Variants in IRGM observed in about 807,000 individuals in gnomAD.
The protein encoded by IRGM is immunity-related GTPase family M protein.
For synonymous variants in IRGM, 98 were observed against 80.6 expected, an observed-to-expected ratio of 1.22 and a Z score of -1.16; for missense variants, 288 against 219.9, an observed-to-expected ratio of 1.31 and a Z score of -1.96.
At chr5:150,864,777 T>G (rs191247030) in intron 1 of IRGM, among the ~76,000 whole-genome samples, 1 of 152,256 alleles carries the variant, frequency 6.6e-6, no homozygotes, top group Non-Finnish European at 1.5e-5. Flanking sequence ...AAGCCACTAT[T>G]GTAAATGCAA....
intron 3 of IRGM, among the ~76,000 whole-genome samples, chr5:150,889,475 G>T (rs1182097616): frequency 6.6e-6 from 1 of 152,006 alleles, no homozygotes; most frequent in East Asian, 1.9e-4. Flanking sequence ...GGAATTGTGG[G>T]AGCTACAATT....
chr5:150,846,828 A>G lies in IRGM; in HGVS notation c.-808A>G, dbSNP rs1221987493. ...AACTCTGAACACATCCAAACATCAG[A>G]AGGAACAAACTCCGGACACGCAGCC... On this transcript the variant is annotated 5_prime_UTR_variant, in exon 1 of 2. Coordinates refer to ENST00000522154, the MANE Select transcript of IRGM (RefSeq NM_001145805.2). The G allele has an allele frequency of 6.5e-6, 1 of 153,520 alleles. No homozygotes were observed. Among genetic ancestry groups the G allele is most frequent in the East Asian group, 1.9e-4 (1 of 5,252 alleles). The allele number at this position is 153,520 out of a possible 1,614,324, so 9.5% of individuals were successfully genotyped here. A position where few individuals can be genotyped will look rare whatever the true frequency, so the allele number is the denominator to read the frequency against.
downstream of IRGM, among the ~76,000 whole-genome samples, chr5:150,849,681 A>G (rs1753945506): frequency 7.0e-6 from 1 of 143,214 alleles, no homozygotes; most frequent in Admixed American, 7.5e-5. Flanking sequence ...ACCTCAGCTC[A>G]CTGCAACTTC....
rs377229282 is a variant in IRGM, at chr5:150,895,584, G to A, written c.*141-5005G>A. On this transcript the variant is annotated intron_variant and NMD_transcript_variant, in intron 3 of 3. Transcript: ENST00000520549. ...CTGAGAAAAGGCCTTTCCACATTCA[G>A]CACATATGTAAGGTTTCTCTCCTGT... The A allele has an allele frequency of 1.2e-5, 19 of 1,613,476 alleles. No individual in the cohort carries two copies. In the African/African-American group the frequency reaches 2.4e-4, roughly 20 times the overall value.
chr5:150,884,959 C>A (rs200014101), intron 3 of IRGM, among the ~76,000 whole-genome samples: 1 of 152,152 alleles, frequency 6.6e-6, no homozygotes, highest in East Asian at 1.9e-4. Flanking sequence ...GTCATGATTG[C>A]TTTTGGTGTT....
At chr5:150,898,469 C>T (rs367739776) in intron 3 of IRGM, 4 of 1,613,308 alleles carry the variant, frequency 2.5e-6, no homozygotes, top group Non-Finnish European at 3.4e-6. Flanking sequence ...CATCACATCC[C>T]TGTACAGGGT....
chr5:150,850,708 T>C (rs1753962382), downstream of IRGM, among the ~76,000 whole-genome samples: 1 of 152,176 alleles, frequency 6.6e-6, no homozygotes. Context: ...CACATACTTA[T>C]TATGCCTGGC....
intron 1 of IRGM, among the ~76,000 whole-genome samples, chr5:150,855,764 T>C (rs990129035): frequency 3.3e-5 from 5 of 152,090 alleles, no homozygotes; most frequent in African/African-American, 1.2e-4. Context: ...AACAGTGAAA[T>C]ATAAACCACT....
rs549685731 is a variant in IRGM at position 150,861,268 on chromosome 5, C to G, written c.158+12614C>G. On this transcript the variant is annotated intron_variant and NMD_transcript_variant, in intron 1 of 3. Transcript: ENST00000520549. The stretch of plus-strand genomic sequence containing the variant: ...AGCCCTTTTGTACTCCCTCATGTAG[C>G]CTCTCCAAGTGGCTCTCTCAGAGTT... 8.3e-4 allele frequency among the ~76,000 whole-genome samples: 127 copies of G among 152,254 alleles called. 1 individual carries two copies. The highest frequency in any genetic ancestry group is 2.4e-3 in the Admixed American group (36 of 15,300).
chr5:150,883,657 C>T (rs952260877), intron 3 of IRGM, among the ~76,000 whole-genome samples: 1 of 151,830 alleles, frequency 6.6e-6, no homozygotes, highest in Non-Finnish European at 1.5e-5. Flanking sequence ...GAATAAATTC[C>T]TAGACACATA....
intron 3 of IRGM, chr5:150,897,728 T>G: frequency 3.5e-6 from 1 of 288,920 alleles, no homozygotes; most frequent in Non-Finnish European, 6.4e-6. Flanking sequence ...TCTCTGAACT[T>G]CTAAAACAGT....
intron 3 of IRGM, among the ~76,000 whole-genome samples, chr5:150,899,564 T>C (rs533020620): frequency 2.0e-5 from 3 of 152,110 alleles, no homozygotes; most frequent in Non-Finnish European, 2.9e-5. Context: ...TAGTTAGTAA[T>C]AGAATGAATA....
At chr5:150,873,755 C>G (rs1232819965) in intron 1 of IRGM, among the ~76,000 whole-genome samples, 2 of 152,186 alleles carry the variant, frequency 1.3e-5, no homozygotes, top group South Asian at 2.1e-4. Context: ...GGCTCCCTGA[C>G]TGGTAGGGTG....
intron 2 of IRGM, among the ~76,000 whole-genome samples, chr5:150,878,671 T>G (rs1401562755): frequency 6.6e-6 from 1 of 152,110 alleles, no homozygotes; most frequent in African/African-American, 2.4e-5. Flanking sequence ...TCTGAATACA[T>G]CTGATTTGTG....
intron 3 of IRGM, among the ~76,000 whole-genome samples, chr5:150,899,133 T>TA (rs1367843682): frequency 6.6e-6 from 1 of 151,966 alleles, no homozygotes; most frequent in Non-Finnish European, 1.5e-5. Flanking sequence ...ATGAAACAAA[T>TA]ACATCCCTCA....
chr5:150,892,277 T>C (rs920376183), intron 3 of IRGM, among the ~76,000 whole-genome samples: 3 of 150,344 alleles, frequency 2.0e-5, no homozygotes, highest in Non-Finnish European at 4.4e-5. Context: ...TCATGTATCA[T>C]GAACCAATTC....
chr5:150,879,262 T>C (rs1016096631), intron 2 of IRGM, among the ~76,000 whole-genome samples: 9 of 152,218 alleles, frequency 5.9e-5, no homozygotes, highest in African/African-American at 4.8e-5. Context: ...TTAAACTGGC[T>C]TACTTGCTTC....
chr5:150,871,109 T>C (rs139501000), intron 1 of IRGM, among the ~76,000 whole-genome samples: 11 of 152,306 alleles, frequency 7.2e-5, no homozygotes, highest in Admixed American at 6.5e-4. Flanking sequence ...GCTAGCCAGG[T>C]GAAACTGAAA....
At chr5:150,871,623 T>C (rs928461738) in intron 1 of IRGM, among the ~76,000 whole-genome samples, 1 of 152,234 alleles carries the variant, frequency 6.6e-6, no homozygotes, top group Non-Finnish European at 1.5e-5. Context: ...TTTTTCCTTA[T>C]GGAAGCCCAA....
Sources: allele counts gnomAD v4.1 joint callset (sites outside exome capture counted in the v4.1 genomes callset), GRCh38; gene constraint gnomAD v4.1.1; transcripts MANE v1.5; gene names NCBI Gene and HGNC (gene_info 2026-07-23, HGNC 2026-07-21).